Variants in RNF17 observed in about 807,000 individuals in gnomAD.
RNF17 encodes the protein spermatogenesis associated 23.
RNF17 carries 31 observed loss-of-function variants against 200.5 expected under a neutral mutation model. The observed-to-expected ratio is 0.15, with a 90% CI of 0.12 to 0.21. The LOEUF (loss-of-function observed/expected upper bound fraction) is 0.21, where lower values mean the gene tolerates loss of function less well. Among genes scored for constraint, RNF17 ranks in the 10% least tolerant of loss-of-function variants. The pLI, the probability that RNF17 is intolerant of heterozygous loss-of-function variation, is 1.00. For synonymous variants in RNF17, 606 were observed against 637.8 expected (o/e 0.95, Z 0.75); for missense variants, 1,628 against 1,905.1 (o/e 0.85, Z 2.71).
intron 18 of RNF17, among the ~76,000 whole-genome samples, chr13:24,837,118 A>AAG (rs1368838250): frequency 2.0e-5 from 3 of 152,092 alleles, no homozygotes; most frequent in Admixed American, 2.0e-4. Context: ...CAGCAGTTAA[A>AAG]AGAGAGAGAG....
chr13:24,874,214 T>G lies in RNF17; in HGVS notation c.4548T>G (p.Val1516=), dbSNP rs780813131. Residue 1516 remains valine (V), a synonymous_variant, in exon 33 of 36, where the codon GTT becomes GTG. Coordinates refer to ENST00000255324, the MANE Select transcript of RNF17 (RefSeq NM_031277.3). ...FNPLSILVQF[V]DYGSTAKLTL... is the part of the protein sequence containing the mutation. Reference sequence around the variant, plus strand: ...CTTTATCTATCTTAGTACAATTTGTTGATTATGGATCAACTGCAAAGCTGA... The same window carrying G: ...CTTTATCTATCTTAGTACAATTTGTGGATTATGGATCAACTGCAAAGCTGA... The G allele has an allele frequency of 6.2e-7, 1 of 1,607,492 alleles. No homozygotes were observed. Among genetic ancestry groups the G allele is most frequent in the South Asian group, 1.1e-5 (1 of 89,318 alleles).
chr13:24,794,335 G>T (rs149596821), intron 10 of RNF17: 1 of 378,090 alleles, frequency 2.6e-6, no homozygotes, highest in East Asian at 8.5e-5. Context: ...TAAGTAAAGT[G>T]AATTTCACTG....
rs148284445 is a variant in RNF17 at position 24,869,549 on chromosome 13, G to T, written c.4278+833G>T. Among the ~76,000 whole-genome samples, 6 of 152,276 alleles carry T rather than the reference G, an allele frequency of 3.9e-5. No individual in the cohort carries two copies. In the East Asian group the frequency reaches 1.2e-3, roughly 29 times the overall value. ...CTCAGGAGGTTGCAATCATGATGTT[G>T]GCAGGGGCTGCAGAAACCACTTTCG... On this transcript the variant is annotated intron_variant, in intron 31 of 35. Coordinates refer to ENST00000255324, the MANE Select transcript of RNF17 (RefSeq NM_031277.3).
intron 23 of RNF17, 75 bp from the exon 24 acceptor site, chr13:24,851,381 C>A: frequency 1.0e-6 from 1 of 977,440 alleles, no homozygotes; most frequent in South Asian, 1.4e-5. Flanking sequence ...GAAGAACTGC[C>A]TGTGAAATGC....
intron 8 of RNF17, 51 bp downstream of exon 8, chr13:24,789,475 A>C (rs898469926): frequency 7.9e-7 from 1 of 1,273,280 alleles, no homozygotes; most frequent in African/African-American, 1.5e-5. Flanking sequence ...GATGTGCTGG[A>C]ACTTAAATGT....
intron 16 of RNF17, among the ~76,000 whole-genome samples, chr13:24,828,590 G>A (rs910399716): frequency 1.4e-5 from 2 of 141,674 alleles, no homozygotes; most frequent in African/African-American, 6.3e-5. Flanking sequence ...TAGCCCTTTT[G>A]TCCTCCTTTT....
intron 16 of RNF17, among the ~76,000 whole-genome samples, chr13:24,829,290 C>A (rs190669869): frequency 1.3e-5 from 2 of 152,292 alleles, no homozygotes; most frequent in East Asian, 3.9e-4. Flanking sequence ...CTCCAGAGAA[C>A]ATAAATGGGG....
intron 16 of RNF17, 86 bp downstream of exon 16, chr13:24,825,858 G>A: frequency 6.8e-7 from 1 of 1,460,048 alleles, no homozygotes. Flanking sequence ...AATCTTGGAA[G>A]TAATGTTATT....
chr13:24,880,543 ATTT>A (rs1953786483), downstream of RNF17, among the ~76,000 whole-genome samples: 1 of 152,156 alleles, frequency 6.6e-6, no homozygotes, highest in Non-Finnish European at 1.5e-5. Context: ...CTGTCACACA[ATTT>A]TTATTTTCTA....
chr13:24,887,162 A>T, the RNF17 span, among the ~76,000 whole-genome samples: 1 of 152,242 alleles, frequency 6.6e-6, no homozygotes, highest in Admixed American at 6.5e-5. Flanking sequence ...GAAAAACTGA[A>T]ATTGAACTAC....
chr13:24,884,760 CCTT>C (rs1953963098), downstream of RNF17, among the ~76,000 whole-genome samples: 1 of 152,124 alleles, frequency 6.6e-6, no homozygotes, highest in Non-Finnish European at 1.5e-5. Context: ...TGTTCTTTGT[CCTT>C]CTCTCATTCC....
At chr13:24,753,290 C>A in the RNF17 span, among the ~76,000 whole-genome samples, 1 of 152,174 alleles carries the variant, frequency 6.6e-6, no homozygotes, top group Admixed American at 6.5e-5. Context: ...ACTAAAAGTT[C>A]TTCTATGTAT....
chr13:24,761,178 G>C (rs1175622993), upstream of RNF17, among the ~76,000 whole-genome samples: 1 of 151,938 alleles, frequency 6.6e-6, no homozygotes, highest in African/African-American at 2.4e-5. Flanking sequence ...TTCTGGCTTG[G>C]TGTTATTCTA....
At chr13:24,820,511 C>T (rs188151585) in intron 15 of RNF17, among the ~76,000 whole-genome samples, 22 of 152,234 alleles carry the variant, frequency 1.4e-4, no homozygotes, top group Admixed American at 4.6e-4. Flanking sequence ...TCTTGGCTCA[C>T]GGCAACCTCT....
At chr13:24,872,533 AC>A (rs1894406880) in intron 32 of RNF17, among the ~76,000 whole-genome samples, 1 of 124,290 alleles carries the variant, frequency 8.0e-6, no homozygotes, top group Non-Finnish European at 1.8e-5. Context: ...ACTCATTGGT[AC>A]ACTTTTTTTT....
intron 15 of RNF17, among the ~76,000 whole-genome samples, chr13:24,806,881 G>A (rs903968580): frequency 1.4e-5 from 2 of 147,376 alleles, no homozygotes; most frequent in African/African-American, 5.0e-5. Context: ...TCCCACCTAT[G>A]AGTAAGAATA....
intron 4 of RNF17, 68 bp downstream of exon 4, chr13:24,778,474 T>G: frequency 1.1e-6 from 1 of 941,546 alleles, no homozygotes; most frequent in Admixed American, 1.9e-5. Context: ...GTAGCTCAAC[T>G]TTCTTCTCCT....
At chr13:24,835,446 C>T (rs1031374685) in intron 18 of RNF17, among the ~76,000 whole-genome samples, 2 of 152,150 alleles carry the variant, frequency 1.3e-5, no homozygotes, top group African/African-American at 4.8e-5. Context: ...TCGATGGGAA[C>T]AGGCACTGCT....
At chr13:24,812,567 G>A (rs867570621) in intron 15 of RNF17, among the ~76,000 whole-genome samples, 5 of 151,820 alleles carry the variant, frequency 3.3e-5, no homozygotes, top group Non-Finnish European at 5.9e-5. Flanking sequence ...AGATGAACCC[G>A]GTACCTCAGA....
Sources: allele counts gnomAD v4.1 joint callset (sites outside exome capture counted in the v4.1 genomes callset), GRCh38; gene constraint gnomAD v4.1.1; transcripts MANE v1.5; gene names NCBI Gene and HGNC (gene_info 2026-07-23, HGNC 2026-07-21).